The following CSMD1 variants were observed in gnomAD, a reference collection of about 807,000 sequenced individuals.
CSMD1 encodes CUB and sushi domain-containing protein 1.
Under a neutral mutation model 417.5 loss-of-function variants are expected in CSMD1, and 213 were observed. That is an observed-to-expected ratio of 0.51 (90% CI 0.46 to 0.57). The LOEUF (loss-of-function observed/expected upper bound fraction) is 0.57, where lower values mean the gene tolerates loss of function less well. CSMD1 is among the 20% of genes least tolerant of loss of function. CSMD1 has a pLI of 0.00. For synonymous variants in CSMD1, 2,862 were observed against 1,736.8 expected, an observed-to-expected ratio of 1.65 and a Z score of -16.11; for missense variants, 6,923 against 4,529.7, an observed-to-expected ratio of 1.53 and a Z score of -15.17.
At chr8:3,572,622 G>T (rs1009871073) in intron 10 of CSMD1, among the ~76,000 whole-genome samples, 1 of 152,132 alleles carries the variant, frequency 6.6e-6, no homozygotes, top group East Asian at 1.9e-4. Flanking sequence ...TTCTTTAAAA[G>T]AAATTCAAGA....
At chr8:3,685,403 G>A (rs1370729751) in intron 7 of CSMD1, among the ~76,000 whole-genome samples, 1 of 152,122 alleles carries the variant, frequency 6.6e-6, no homozygotes, top group Admixed American at 6.6e-5. Context: ...GCTGCTCACT[G>A]CACAGAATGC....
intron 5 of CSMD1, among the ~76,000 whole-genome samples, chr8:3,994,757 C>T (rs1815069919): frequency 2.0e-5 from 3 of 152,322 alleles, no homozygotes; most frequent in South Asian, 4.1e-4. Flanking sequence ...TCCACTGCTG[C>T]CATGGCAACC....
At chr8:3,395,016 A>G (rs1811601348) in intron 17 of CSMD1, among the ~76,000 whole-genome samples, 1 of 152,178 alleles carries the variant, frequency 6.6e-6, no homozygotes, top group African/African-American at 2.4e-5. Context: ...AGGAATGCAC[A>G]TAACAGGTTG....
chr8:2,966,314 G>C (rs1317070216), intron 58 of CSMD1, among the ~76,000 whole-genome samples: 1 of 151,994 alleles, frequency 6.6e-6, no homozygotes, highest in African/African-American at 2.4e-5. Flanking sequence ...GACAAAGTCT[G>C]GACTTTTTTG....
At chr8:4,066,999 G>C (rs181814599) in intron 3 of CSMD1, among the ~76,000 whole-genome samples, 2 of 152,234 alleles carry the variant, frequency 1.3e-5, no homozygotes, top group Non-Finnish European at 2.9e-5. Context: ...CCACAACTGA[G>C]AAACAAGACA....
At chr8:3,913,996 T>C (rs374451897) in intron 5 of CSMD1, among the ~76,000 whole-genome samples, 29 of 152,292 alleles carry the variant, frequency 1.9e-4, no homozygotes, top group African/African-American at 6.7e-4. Context: ...AATTTTGTAA[T>C]ACTTTGTTAT....
At chr8:3,201,784 T>C in intron 31 of CSMD1, 59 bp from the exon 32 acceptor site, 1 of 1,003,100 alleles carries the variant, frequency 1.0e-6, no homozygotes, top group Non-Finnish European at 1.5e-6. Context: ...AAATGGAGAT[T>C]TTTGATTTCA....
At chr8:4,815,130 G>C (rs1399971113) in intron 1 of CSMD1, among the ~76,000 whole-genome samples, 2 of 152,012 alleles carry the variant, frequency 1.3e-5, no homozygotes, top group Non-Finnish European at 2.9e-5. Flanking sequence ...ATGACATCTA[G>C]GTCAATATCA....
At chr8:4,062,459 T>C (rs1473228739) in intron 3 of CSMD1, among the ~76,000 whole-genome samples, 1 of 152,140 alleles carries the variant, frequency 6.6e-6, no homozygotes, top group African/African-American at 2.4e-5. Flanking sequence ...TCTGACACAA[T>C]GTCAGAATCA....
At chr8:3,534,750 C>T (rs1405064152) in intron 10 of CSMD1, among the ~76,000 whole-genome samples, 2 of 152,198 alleles carry the variant, frequency 1.3e-5, no homozygotes, top group African/African-American at 4.8e-5. Flanking sequence ...CCAGGTTGAG[C>T]ATATGGCATC....
chr8:3,096,331 G>C (rs1291548042), intron 47 of CSMD1, among the ~76,000 whole-genome samples: 1 of 152,138 alleles, frequency 6.6e-6, no homozygotes, highest in East Asian at 1.9e-4. Context: ...GACAAATCTG[G>C]TGGGAGGTAA....
intron 7 of CSMD1, among the ~76,000 whole-genome samples, chr8:3,625,894 C>T (rs1021177111): frequency 1.3e-5 from 2 of 152,126 alleles, no homozygotes; most frequent in Non-Finnish European, 2.9e-5. Context: ...ATCTTTCCAA[C>T]TGATATATCA....
chr8:3,944,505 A>C (rs1811094956), intron 5 of CSMD1, among the ~76,000 whole-genome samples: 1 of 152,018 alleles, frequency 6.6e-6, no homozygotes, highest in Admixed American at 6.6e-5. Context: ...TTTAACCTTT[A>C]GATTAGGCAG....
At chr8:4,468,734 C>T (rs572202292) in intron 2 of CSMD1, among the ~76,000 whole-genome samples, 1 of 152,252 alleles carries the variant, frequency 6.6e-6, no homozygotes, top group South Asian at 2.1e-4. Context: ...TAGGGAGAGC[C>T]TACTCTGGGC....
In CSMD1 at chr8:4,459,060, GA is replaced by G. The variant is rs144311883; in HGVS notation, c.303-38996del. Among the ~76,000 whole-genome samples the G allele has an allele frequency of 9.0e-3, 1,364 of 152,270 alleles. 20 individuals carry two copies. Among genetic ancestry groups the G allele is most frequent in the African/African-American group, 0.031 (1,288 of 41,562 alleles). On this transcript the variant is annotated intron_variant, in intron 2 of 69. Coordinates refer to ENST00000635120, the MANE Select transcript of CSMD1 (RefSeq NM_033225.6). Reference sequence around the variant, plus strand: ...CTCCAATCTAGGTGAGTATGGCCAGGAAAACTAGATTCTCTCTACCTGCAGA... The same window carrying G: ...CTCCAATCTAGGTGAGTATGGCCAGGAAACTAGATTCTCTCTACCTGCAGA...
intron 12 of CSMD1, among the ~76,000 whole-genome samples, chr8:3,429,711 G>C (rs1264886728): frequency 6.6e-6 from 1 of 152,164 alleles, no homozygotes; most frequent in African/African-American, 2.4e-5. Flanking sequence ...TAATGAAATG[G>C]TTAAATTGTT....
At chr8:3,952,174 G>T (rs1185274436) in intron 5 of CSMD1, among the ~76,000 whole-genome samples, 1 of 152,176 alleles carries the variant, frequency 6.6e-6, no homozygotes, top group Non-Finnish European at 1.5e-5. Context: ...GGACAGAGCA[G>T]AAACTGTTCA....
At chr8:4,952,542 T>C (rs1808823024) in intron 1 of CSMD1, among the ~76,000 whole-genome samples, 1 of 152,098 alleles carries the variant, frequency 6.6e-6, no homozygotes, top group South Asian at 2.1e-4. Flanking sequence ...TTCAATACTT[T>C]AATATGATTT....
chr8:3,445,518 A>G (rs1815243358), intron 12 of CSMD1, among the ~76,000 whole-genome samples: 1 of 152,070 alleles, frequency 6.6e-6, no homozygotes, highest in Admixed American at 6.6e-5. Flanking sequence ...AATGTGCACA[A>G]CTCTTTTCAT....
Sources: gnomAD v4.1 joint callset for allele counts (sites outside exome capture counted in the v4.1 genomes callset) on GRCh38, gnomAD v4.1.1 for gene constraint, MANE v1.5 for transcripts, NCBI Gene and HGNC (gene_info 2026-07-23, HGNC 2026-07-21) for gene names.